Variants in DCC observed in about 807,000 individuals in gnomAD.
DCC encodes netrin receptor DCC.
A neutral mutation model predicts 172.5 loss-of-function variants in DCC; 58 were observed. The observed-to-expected ratio is 0.34, with a 90% CI of 0.27 to 0.42. The LOEUF is 0.42. Ranked by LOEUF, DCC falls within the 10% of genes least tolerant of loss-of-function variation. DCC has a pLI of 1.00. For synonymous variants in DCC, 709 were observed against 644.5 expected (o/e 1.10, Z -1.52); for missense variants, 1,740 against 1,791.0 (o/e 0.97, Z 0.51).
chr18:52,797,823 C>T (rs958682886), intron 2 of DCC, among the ~76,000 whole-genome samples: 2 of 152,158 alleles, frequency 1.3e-5, no homozygotes. Flanking sequence ...GGGGCCAGGT[C>T]CCCGGACAGT....
rs532232313 is a variant in DCC, at chr18:52,417,451, A to G, written c.91+76573A>G. Among the ~76,000 whole-genome samples, 10 of 152,180 alleles carry G rather than the reference A, an allele frequency of 6.6e-5. No individual in the cohort carries two copies. In the East Asian group the frequency reaches 1.7e-3, roughly 27 times the overall value. On this transcript the variant is annotated intron_variant, in intron 1 of 28. Coordinates refer to ENST00000442544, the MANE Select transcript of DCC (RefSeq NM_005215.4). ...TAGATTGGGGAAGTTCTCCTGGATA[A>G]TATCCTGGAGAGTGTTTTCTAACTT... is the stretch of plus-strand genomic sequence containing the variant.
intron 7 of DCC, among the ~76,000 whole-genome samples, chr18:53,146,594 G>A (rs536181172): frequency 2.8e-4 from 42 of 152,204 alleles, no homozygotes; most frequent in Non-Finnish European, 4.1e-4. Flanking sequence ...AAGGGTAGAG[G>A]GACAAAAACA....
intron 2 of DCC, among the ~76,000 whole-genome samples, chr18:52,902,614 G>T (rs2039826031): frequency 6.6e-6 from 1 of 151,994 alleles, no homozygotes; most frequent in Non-Finnish European, 1.5e-5. Context: ...TGAGTTTATT[G>T]TTCATTACTA....
At chr18:53,443,409 C>T (rs568715212) in intron 22 of DCC, among the ~76,000 whole-genome samples, 31 of 152,288 alleles carry the variant, frequency 2.0e-4, no homozygotes, top group African/African-American at 7.5e-4. Flanking sequence ...ATTTTAAGCC[C>T]ACTGTAGAGA....
At chr18:52,636,152 G>A (rs2034776170) in intron 1 of DCC, among the ~76,000 whole-genome samples, 1 of 152,176 alleles carries the variant, frequency 6.6e-6, no homozygotes, top group Non-Finnish European at 1.5e-5. Flanking sequence ...GGAGAGCCAA[G>A]GGAAATACAG....
chr18:53,101,989 A>C (rs2043180314), intron 7 of DCC, among the ~76,000 whole-genome samples: 1 of 152,034 alleles, frequency 6.6e-6, no homozygotes, highest in Admixed American at 6.6e-5. Flanking sequence ...GGAATGACAG[A>C]CTCGGGAAAA....
intron 16 of DCC, among the ~76,000 whole-genome samples, chr18:53,389,267 G>T (rs1908389203): frequency 8.0e-6 from 1 of 125,194 alleles, no homozygotes; most frequent in Admixed American, 7.5e-5. Context: ...ATCACCCAGT[G>T]GTAGGAAGAG....
At chr18:52,984,097 T>G (rs1288024834) in intron 5 of DCC, among the ~76,000 whole-genome samples, 1 of 152,108 alleles carries the variant, frequency 6.6e-6, no homozygotes, top group Non-Finnish European at 1.5e-5. Context: ...GTTTATAATG[T>G]CTCAAATGTC....
chr18:53,072,556 C>T (rs1482791161), intron 7 of DCC, among the ~76,000 whole-genome samples: 1 of 152,030 alleles, frequency 6.6e-6, no homozygotes, highest in Non-Finnish European at 1.5e-5. Context: ...AATGCACCTA[C>T]GATAGGGGCA....
intron 5 of DCC, among the ~76,000 whole-genome samples, chr18:53,022,347 C>T (rs770153659): frequency 2.0e-4 from 31 of 151,968 alleles, no homozygotes; most frequent in Non-Finnish European, 3.5e-4. Flanking sequence ...GTTGTGTTAC[C>T]TTTCTGTGTC....
intron 2 of DCC, among the ~76,000 whole-genome samples, chr18:52,851,213 A>G (rs2038970713): frequency 2.0e-5 from 3 of 152,100 alleles, no homozygotes; most frequent in African/African-American, 7.2e-5. Flanking sequence ...TTTTAAGATT[A>G]TGTTGCTCTA....
At chr18:52,857,120 T>A (rs1481944031) in intron 2 of DCC, among the ~76,000 whole-genome samples, 1 of 151,764 alleles carries the variant, frequency 6.6e-6, no homozygotes. Context: ...GGAAAAAAAA[T>A]GGTAAAAAAA....
intron 11 of DCC, among the ~76,000 whole-genome samples, chr18:53,209,169 A>G (rs2055707034): frequency 1.3e-5 from 2 of 152,230 alleles, no homozygotes; most frequent in Non-Finnish European, 2.9e-5. Flanking sequence ...TGAATGCCAT[A>G]AAAGAGAGGA....
At chr18:52,482,605 A>G (rs1192171734) in intron 1 of DCC, among the ~76,000 whole-genome samples, 1 of 152,128 alleles carries the variant, frequency 6.6e-6, no homozygotes, top group African/African-American at 2.4e-5. Flanking sequence ...CCCTTTTATA[A>G]GGACACTAAT....
intron 12 of DCC, among the ~76,000 whole-genome samples, chr18:53,225,439 G>T (rs1174782562): frequency 6.6e-6 from 1 of 152,180 alleles, no homozygotes; most frequent in Non-Finnish European, 1.5e-5. Context: ...TTGCAGGAAT[G>T]CAATCCTTTG....
intron 1 of DCC, among the ~76,000 whole-genome samples, chr18:52,750,838 G>T (rs544950656): frequency 6.6e-6 from 1 of 152,006 alleles, no homozygotes; most frequent in South Asian, 2.1e-4. Context: ...AAAGTACAAC[G>T]AAAAGTGTTC....
intron 15 of DCC, among the ~76,000 whole-genome samples, chr18:53,379,663 A>G (rs1907571506): frequency 6.6e-6 from 1 of 152,194 alleles, no homozygotes; most frequent in South Asian, 2.1e-4. Context: ...TGATCAACGA[A>G]TGTGCATTTA....
chr18:52,998,733 T>G (rs2041520937), intron 5 of DCC, among the ~76,000 whole-genome samples: 1 of 152,082 alleles, frequency 6.6e-6, no homozygotes, highest in Non-Finnish European at 1.5e-5. Flanking sequence ...GCTGAGAATA[T>G]CTCGAATGTG....
chr18:52,954,338 T>C (rs1270369190), intron 5 of DCC, among the ~76,000 whole-genome samples: 1 of 152,188 alleles, frequency 6.6e-6, no homozygotes, highest in East Asian at 1.9e-4. Context: ...GAAATAATCA[T>C]ACTGTTTGTA....
Sources: allele counts gnomAD v4.1 joint callset (sites outside exome capture counted in the v4.1 genomes callset), GRCh38; gene constraint gnomAD v4.1.1; transcripts MANE v1.5; gene names NCBI Gene and HGNC (gene_info 2026-07-23, HGNC 2026-07-21).